The following LRRC34 variants were observed in gnomAD, a reference collection of about 807,000 sequenced individuals.
The protein encoded by LRRC34 is leucine rich repeat containing 34.
A neutral mutation model predicts 48.5 loss-of-function variants in LRRC34; 44 were observed. The observed-to-expected ratio is 0.91, with a 90% CI of 0.71 to 1.17. The LOEUF (loss-of-function observed/expected upper bound fraction) is 1.17, where lower values mean the gene tolerates loss of function less well. Among genes scored for constraint, LRRC34 ranks in the 50% most tolerant of loss-of-function variants. The pLI, the probability that LRRC34 is intolerant of heterozygous loss-of-function variation, is 0.00. For synonymous variants in LRRC34, 192 were observed against 197.6 expected, an observed-to-expected ratio of 0.97 and a Z score of 0.24; for missense variants, 502 against 563.0, an observed-to-expected ratio of 0.89 and a Z score of 1.10.
chr3:169,802,955 T>C (rs1449870631), intron 6 of LRRC34, among the ~76,000 whole-genome samples: 1 of 151,366 alleles, frequency 6.6e-6, no homozygotes, highest in Non-Finnish European at 1.5e-5. Context: ...CCAGCCTGGG[T>C]GACAAGAGTG....
chr3:169,812,377 C>A lies in LRRC34; in HGVS notation c.139+33G>T, dbSNP rs1330816221. 1 of 1,517,372 alleles carries A rather than the reference C, an allele frequency of 6.6e-7. No homozygotes were observed. Among genetic ancestry groups the A allele is most frequent in the East Asian group, 2.6e-5 (1 of 38,710 alleles). 94.0% of individuals were successfully genotyped at this position (1,517,372 alleles called of 1,614,324 possible). ...GCGCCCCTCGCGCGTTTTGTCTGGG[C>A]CAGGCCGCGCAGACGTGCTCCCTAC... On this transcript the variant is annotated intron_variant, in intron 1 of 10. Coordinates refer to ENST00000446859, the MANE Select transcript of LRRC34 (RefSeq NM_001172779.2). The surrounding 1 kb of genome is among the most constrained non-coding windows in gnomAD (Gnocchi z 4.3).
At chr3:169,804,249 G>A in intron 5 of LRRC34, 68 bp from the exon 6 acceptor site, 4 of 1,311,716 alleles carry the variant, frequency 3.0e-6, no homozygotes, top group Admixed American at 2.4e-5. Context: ...CATGAATTAG[G>A]AGACTGTATT....
intron 5 of LRRC34, 54 bp downstream of exon 5, chr3:169,806,794 T>C: frequency 9.0e-7 from 1 of 1,114,168 alleles, no homozygotes; most frequent in Non-Finnish European, 1.4e-6. Context: ...TTCCAAGCTA[T>C]CAGAAGTTAG....
Position 169,796,230 on chromosome 3 carries a change from T to G in LRRC34, c.1048A>C (p.Asn350His), listed in dbSNP as rs1435291766. ...CATACTAACGCTTTAAGACTCCTGT[T>G]GTGTGAAGTAAGAGTTTCACTGAGA... ...NYLSETLTSH[N>H]RSLKALSVVS... Residue 350 changes from asparagine to histidine, a missense_variant, in exon 9 of 11, where the codon AAC becomes CAC. Asn to His is a moderately conservative substitution (Grantham distance 68, BLOSUM62 1). Transcript: ENST00000446859. 1.2e-6 allele frequency: 2 copies of G among 1,608,850 alleles called. No individual in the cohort carries two copies. Among genetic ancestry groups the G allele is most frequent in the Non-Finnish European group, 1.7e-6 (2 of 1,178,624 alleles).
At chr3:169,799,143 A>G (rs1374192930) in intron 7 of LRRC34, among the ~76,000 whole-genome samples, 2 of 152,218 alleles carry the variant, frequency 1.3e-5, no homozygotes, top group East Asian at 1.9e-4. Flanking sequence ...GGATTTACGT[A>G]CATGAAACAA....
At chr3:169,801,202 A>T (rs1202531234) in intron 6 of LRRC34, among the ~76,000 whole-genome samples, 1 of 152,076 alleles carries the variant, frequency 6.6e-6, no homozygotes, top group Non-Finnish European at 1.5e-5. Context: ...GCTCTATCTG[A>T]CTGGAAGGGC....
At position 169,800,732 on chromosome 3, in the gene LRRC34, A is replaced by T; in HGVS notation, c.680T>A (p.Phe227Tyr). Reference protein sequence around the residue: ...CDLGMQSVIAFATVLTQNQAI... With the variant: ...CDLGMQSVIAYATVLTQNQAI... ...TTGGTTTTGAGTTAGTACTGTAGCA[A>T]ATGCTATCACACTTTGCATTCCCTA... Residue 227 changes from phenylalanine (F) to tyrosine (Y), a missense_variant, in exon 7 of 11, where the codon TTT becomes TAT. Coordinates refer to ENST00000446859, the MANE Select transcript of LRRC34 (RefSeq NM_001172779.2). The T allele has an allele frequency of 6.5e-7, 1 of 1,535,180 alleles. No individual in the cohort carries two copies.
intron 7 of LRRC34, among the ~76,000 whole-genome samples, chr3:169,799,693 CATTGATTG>C (rs200802732): frequency 0.015 from 2,320 of 151,944 alleles, 19 homozygotes; most frequent in Middle Eastern, 0.027. Context: ...CAAACACTGA[CATTGATTG>C]ATTGATTGAT....
At chr3:169,796,124 TC>T in intron 9 of LRRC34, 89 bp downstream of exon 9, 1 of 1,426,888 alleles carries the variant, frequency 7.0e-7, no homozygotes. Flanking sequence ...TTTTCATATT[TC>T]ATTATAATCT....
rs1337252500 is a variant in LRRC34, at chr3:169,800,766, T to C, written c.658-12A>G. Reference sequence around the variant, plus strand: ...ACACTTTGCATTCCCTAAAAACAGGTAAATTCATTAAGGAAACAGACAAAG... The same window carrying C: ...ACACTTTGCATTCCCTAAAAACAGGCAAATTCATTAAGGAAACAGACAAAG... On this transcript the variant is annotated splice_polypyrimidine_tract_variant and intron_variant, in intron 6 of 10. Transcript: ENST00000446859. The C allele has an allele frequency of 2.0e-6, 3 of 1,480,676 alleles. No individual in the cohort carries two copies. The highest frequency in any genetic ancestry group is 4.0e-5 in the Admixed American group (2 of 49,954). 91.7% of individuals were successfully genotyped at this position (1,480,676 alleles called of 1,614,324 possible).
chr3:169,800,263 T>C (rs977036967), intron 7 of LRRC34, among the ~76,000 whole-genome samples: 2 of 152,182 alleles, frequency 1.3e-5, no homozygotes, highest in African/African-American at 4.8e-5. Flanking sequence ...CTTTTATTAC[T>C]CATGATTTCA....
At chr3:169,796,586 G>T (rs994939881) in intron 8 of LRRC34, 159 bp downstream of exon 8, 19 of 898,992 alleles carry the variant, frequency 2.1e-5, no homozygotes, top group Admixed American at 3.3e-5. Context: ...AAAGATAGCA[G>T]TATTAAATAT....
In LRRC34 at chr3:169,795,518, A is replaced by G; in HGVS notation, c.1158T>C (p.Ile386=). ...KTNLTFSHIY[I]WGNKFDEATC... is the part of the protein sequence containing the mutation. ...TAGCCTCATCAAATTTGTTTCCCCA[A>G]ATGTAGATATGAGAGAAAGTGAGAT... Residue 386 remains isoleucine (I), a synonymous_variant, in exon 10 of 11, where the codon ATT becomes ATC. Transcript: ENST00000446859. 1 of 1,612,376 alleles carries G rather than the reference A, an allele frequency of 6.2e-7. No individual in the cohort carries two copies. The highest frequency in any genetic ancestry group is 1.7e-5 in the Admixed American group (1 of 59,986).
intron 1 of LRRC34, 26 bp from the exon 2 acceptor site, chr3:169,808,771 A>T: frequency 8.3e-7 from 1 of 1,198,364 alleles, no homozygotes; most frequent in Non-Finnish European, 1.2e-6. Context: ...ATCCTCTATC[A>T]CATATAAATT....
chr3:169,808,584 A>G, intron 2 of LRRC34, 44 bp downstream of exon 2: 1 of 1,044,316 alleles, frequency 9.6e-7, no homozygotes. Flanking sequence ...ACACATGAAT[A>G]TAAGCAAACA....
intron 9 of LRRC34, chr3:169,795,902 A>G: frequency 8.6e-7 from 1 of 1,161,360 alleles, no homozygotes; most frequent in Non-Finnish European, 1.1e-6. Flanking sequence ...TTTATTCTTT[A>G]GTTCATTCTT....
intron 6 of LRRC34, 92 bp from the exon 7 acceptor site, chr3:169,800,846 A>T (rs1779164397): frequency 2.5e-6 from 2 of 815,364 alleles, no homozygotes; most frequent in Non-Finnish European, 3.8e-6. Flanking sequence ...GCATTCTGAT[A>T]AAATTGTTTT....
intron 1 of LRRC34, among the ~76,000 whole-genome samples, chr3:169,809,199 CTTTTTTTT>C (rs35059929): frequency 8.8e-6 from 1 of 113,364 alleles, no homozygotes; most frequent in Non-Finnish European, 1.9e-5. Context: ...CTCAAGGTTT[CTTTTTTTT>C]TTTTTTTTTT....
intron 1 of LRRC34, among the ~76,000 whole-genome samples, chr3:169,810,943 A>G (rs1014996768): frequency 6.6e-6 from 1 of 152,248 alleles, no homozygotes; most frequent in Non-Finnish European, 1.5e-5. Flanking sequence ...GCATGCCTGT[A>G]GTCCCAGCTA....
Sources: allele counts gnomAD v4.1 joint callset (sites outside exome capture counted in the v4.1 genomes callset), GRCh38; gene constraint gnomAD v4.1.1; non-coding constraint Gnocchi (gnomAD v3.1); transcripts MANE v1.5; gene names NCBI Gene and HGNC (gene_info 2026-07-23, HGNC 2026-07-21).